The following TNRC6A variants were observed in gnomAD, a reference collection of about 807,000 sequenced individuals.
TNRC6A encodes trinucleotide repeat-containing gene 6A protein.
A neutral mutation model predicts 221.2 loss-of-function variants in TNRC6A; 44 were observed. The ratio of observed to expected loss-of-function variants is 0.20; its 90% CI spans 0.16 to 0.26. The LOEUF (loss-of-function observed/expected upper bound fraction) is 0.26. TNRC6A is among the 10% of genes least tolerant of loss of function. The pLI, the probability that TNRC6A is intolerant of heterozygous loss-of-function variation, is 1.00. For missense variants in TNRC6A, 2,199 were observed against 2,404.4 expected (o/e 0.91, Z 1.79); for synonymous variants, 847 against 838.5 (o/e 1.01, Z -0.18).
chr16:24,683,883 C>T (rs2055578661), intron 2 of TNRC6A, among the ~76,000 whole-genome samples: 2 of 152,232 alleles, frequency 1.3e-5, no homozygotes, highest in African/African-American at 4.8e-5. Context: ...CCCAGTCTCT[C>T]TTCCCCTTCA....
chr16:24,716,505 C>T (rs563155806), intron 2 of TNRC6A, among the ~76,000 whole-genome samples: 1 of 152,164 alleles, frequency 6.6e-6, no homozygotes, highest in South Asian at 2.1e-4. Flanking sequence ...CCCACCTCTA[C>T]AAAAAATACA....
intron 11 of TNRC6A, chr16:24,803,739 A>G (rs2058373647): frequency 6.4e-6 from 1 of 156,164 alleles, no homozygotes; most frequent in African/African-American, 2.4e-5. Flanking sequence ...CATCTCTACT[A>G]ATAATACAAA....
chr16:24,718,613 C>T (rs371226348), intron 2 of TNRC6A, among the ~76,000 whole-genome samples: 8 of 152,138 alleles, frequency 5.3e-5, no homozygotes, highest in African/African-American at 9.6e-5. Flanking sequence ...GAATCTTTTA[C>T]GCTACACAAG....
intron 2 of TNRC6A, chr16:24,663,768 C>A (rs2055085385): frequency 2.8e-6 from 1 of 361,232 alleles, no homozygotes. Context: ...GGATCAGTTA[C>A]CCAGTGTCCA....
rs35324867 is a variant in TNRC6A, at chr16:24,628,834, A to AT, written n.277-12040dup. 1.2e-4 allele frequency among the ~76,000 whole-genome samples: 18 copies of AT among 150,824 alleles called. No homozygotes were observed. In the East Asian group the frequency reaches 1.8e-3, roughly 15 times the overall value. ...CCCACATTGTTCAAAGGTCCACTGT[A>AT]TTTTTTTTTTCTGTCATTTTCATCG... On this transcript the variant is annotated intron_variant and non_coding_transcript_variant, in intron 1 of 2. Transcript: ENST00000566108.
At chr16:24,689,757 GA>G (rs949134134) in intron 2 of TNRC6A, among the ~76,000 whole-genome samples, 13 of 150,762 alleles carry the variant, frequency 8.6e-5, no homozygotes, top group Admixed American at 6.6e-4. Flanking sequence ...CATGCTATGA[GA>G]AAAAAAAATT....
chr16:24,796,172 G>A, intron 9 of TNRC6A: 1 of 456,218 alleles, frequency 2.2e-6, no homozygotes, highest in East Asian at 3.4e-5. Context: ...GGGATGGGAT[G>A]TGTTAAGGAA....
chr16:24,737,477 A>C (rs2056795749), intron 2 of TNRC6A, among the ~76,000 whole-genome samples: 1 of 152,236 alleles, frequency 6.6e-6, no homozygotes, highest in Non-Finnish European at 1.5e-5. Flanking sequence ...GAGAAATCCT[A>C]GCATTTCCAC....
rs766130048 is a variant in TNRC6A at position 24,790,464 on chromosome 16, A to G, written c.1822A>G (p.Thr608Ala). 1 of 1,614,232 alleles carries G rather than the reference A, an allele frequency of 6.2e-7. No individual in the cohort carries two copies. Among genetic ancestry groups the G allele is most frequent in the Non-Finnish European group, 8.5e-7 (1 of 1,180,034 alleles). ...AGGATGGGGAACCCCTGCACAAAAC[A>G]CTGGCACTAATTTACCCAGCGTTGA... ...RRGWGTPAQN[T>A]GTNLPSVEWN... The change falls in exon 6 of 25, where the codon ACT (threonine) becomes GCT (alanine). Residue 608 changes from threonine to alanine, a missense_variant. Around this residue, in one of 8 missense-constraint regions of TNRC6A, gnomAD observed 1,405 missense variants for 1,400.2 expected, o/e 1.00. Transcript: ENST00000395799.
At chr16:24,778,893 G>A (rs892615655) in intron 5 of TNRC6A, among the ~76,000 whole-genome samples, 6 of 152,090 alleles carry the variant, frequency 3.9e-5, no homozygotes, top group Admixed American at 1.3e-4. Flanking sequence ...TAAAAACTTC[G>A]GGAGAGGTTA....
chr16:24,703,608 A>G lies in TNRC6A; in HGVS notation n.403-47118A>G, dbSNP rs952011930. Among the ~76,000 whole-genome samples, 5 of 152,224 alleles carry G rather than the reference A, an allele frequency of 3.3e-5. 1 individual carries two copies. Among genetic ancestry groups the G allele is most frequent in the Non-Finnish European group, 7.3e-5 (5 of 68,040 alleles). On this transcript the variant is annotated intron_variant and non_coding_transcript_variant, in intron 2 of 2. Transcript: ENST00000566108. ...CTAGAGAGACAATTCCAGTGAAAAAATAAATTTTATTTATACCTTCATTCA... is the reference window on the plus strand; with the variant it reads ...CTAGAGAGACAATTCCAGTGAAAAAGTAAATTTTATTTATACCTTCATTCA...
At chr16:24,756,136 T>G (rs1386690183) in intron 3 of TNRC6A, among the ~76,000 whole-genome samples, 1 of 152,154 alleles carries the variant, frequency 6.6e-6, no homozygotes, top group Non-Finnish European at 1.5e-5. Context: ...TTTTGACATG[T>G]CAGTATAAAG....
intron 2 of TNRC6A, among the ~76,000 whole-genome samples, chr16:24,706,691 CA>C (rs372757286): frequency 0.35 from 29,896 of 85,516 alleles, 1,779 homozygotes; most frequent in Admixed American, 0.4. Context: ...GACTCTGTCT[CA>C]AAAAAAAAAA....
intron 22 of TNRC6A, 192 bp from the exon 23 acceptor site, chr16:24,821,885 G>A (rs976623987): frequency 2.2e-5 from 13 of 589,944 alleles, no homozygotes; most frequent in Non-Finnish European, 4.0e-5. Flanking sequence ...GCCAGAGGCA[G>A]AGCCCCCTGC....
chr16:24,689,889 A>G (rs955465065), intron 2 of TNRC6A, among the ~76,000 whole-genome samples: 4 of 149,318 alleles, frequency 2.7e-5, no homozygotes, highest in Non-Finnish European at 4.4e-5. Context: ...AGCTAGGACT[A>G]TAGGTACCTA....
intron 2 of TNRC6A, among the ~76,000 whole-genome samples, chr16:24,667,308 C>A (rs892898967): frequency 2.0e-5 from 3 of 152,076 alleles, no homozygotes; most frequent in Admixed American, 2.0e-4. Context: ...CAAATGGACT[C>A]CTCTCATCCT....
chr16:24,670,934 T>C, intron 2 of TNRC6A: 2 of 375,600 alleles, frequency 5.3e-6, no homozygotes, highest in Non-Finnish European at 1.1e-5. Flanking sequence ...TACATGATGC[T>C]GACAGGGGGT....
chr16:24,810,790 T>A (rs1385219702), intron 18 of TNRC6A, among the ~76,000 whole-genome samples: 2 of 152,156 alleles, frequency 1.3e-5, no homozygotes, highest in African/African-American at 4.8e-5. Context: ...GATGGGTGCC[T>A]AGAGGCAGTT....
chr16:24,750,457 A>G (rs183188978), intron 2 of TNRC6A, among the ~76,000 whole-genome samples: 13 of 152,338 alleles, frequency 8.5e-5, no homozygotes, highest in East Asian at 5.8e-4. Context: ...TTGTTTCCCA[A>G]TGTAAAATTT....
Sources: gnomAD v4.1 joint callset for allele counts (sites outside exome capture counted in the v4.1 genomes callset) on GRCh38, gnomAD v4.1.1 for gene constraint, gnomAD v4.1.1 regional missense constraint, MANE v1.5 for transcripts, NCBI Gene and HGNC (gene_info 2026-07-23, HGNC 2026-07-21) for gene names.